RGSL1: variants seen among roughly 807,000 people sequenced by gnomAD.
RGSL1 encodes regulator of G protein signaling like 1.
Under a neutral mutation model 124.7 loss-of-function variants are expected in RGSL1, and 97 were observed. The observed-to-expected ratio is 0.78, with a 90% CI of 0.66 to 0.92. The LOEUF is 0.92. Among genes scored for constraint, RGSL1 ranks in the 40% least tolerant of loss-of-function variants. RGSL1 has a pLI of 0.00. For missense variants in RGSL1, 1,233 were observed against 1,288.4 expected, an observed-to-expected ratio of 0.96 and a Z score of 0.66; for synonymous variants, 424 against 438.1, an observed-to-expected ratio of 0.97 and a Z score of 0.40.
intron 9 of RGSL1, among the ~76,000 whole-genome samples, chr1:182,513,116 T>C (rs947641283): frequency 3.9e-5 from 6 of 152,248 alleles, no homozygotes; most frequent in African/African-American, 1.4e-4. Context: ...GCCAGGGAAC[T>C]GCCCTCGCCT....
At chr1:182,497,513 C>CAATT (rs1656024484) in intron 9 of RGSL1, among the ~76,000 whole-genome samples, 1 of 151,814 alleles carries the variant, frequency 6.6e-6, no homozygotes, top group South Asian at 2.1e-4. Flanking sequence ...AACCACTTGA[C>CAATT]AGTAGCTGTC....
intron 4 of RGSL1, among the ~76,000 whole-genome samples, chr1:182,469,540 CTT>C (rs750159474): frequency 6.6e-6 from 1 of 152,112 alleles, no homozygotes; most frequent in Non-Finnish European, 1.5e-5. Context: ...AATTGGAACT[CTT>C]TTGCATTTGT....
chr1:182,460,184 G>A lies in RGSL1; in HGVS notation c.301+51G>A, dbSNP rs867052951. Reference sequence around the variant, plus strand: ...TCTGTGTGTGTGTGTGTGTGTGTGTGTAGAAATATAGGAAGTCACACTTCA... The same window carrying A: ...TCTGTGTGTGTGTGTGTGTGTGTGTATAGAAATATAGGAAGTCACACTTCA... On this transcript the variant is annotated intron_variant, in intron 4 of 21. Transcript: ENST00000294854. 1.7e-4 allele frequency: 205 copies of A among 1,238,694 alleles called. 2 individuals carry two copies. In the African/African-American group the frequency reaches 3.1e-3, roughly 19 times the overall value. The allele number at this position is 1,238,694 out of a possible 1,614,324, so 76.7% of individuals were successfully genotyped here.
At chr1:182,457,586 G>T (rs900863266) in intron 2 of RGSL1, among the ~76,000 whole-genome samples, 1 of 152,210 alleles carries the variant, frequency 6.6e-6, no homozygotes, top group African/African-American at 2.4e-5. Context: ...TCATCTAGGG[G>T]AGATGGTCAG....
At chr1:182,521,730 A>C (rs916101019) in intron 9 of RGSL1, among the ~76,000 whole-genome samples, 1 of 152,222 alleles carries the variant, frequency 6.6e-6, no homozygotes, top group African/African-American at 2.4e-5. Context: ...TAACTAATGT[A>C]ACGAGGAGAG....
At chr1:182,483,481 A>G (rs1654864574) in intron 6 of RGSL1, among the ~76,000 whole-genome samples, 1 of 152,176 alleles carries the variant, frequency 6.6e-6, no homozygotes, top group Non-Finnish European at 1.5e-5. Flanking sequence ...GTGTATATAT[A>G]AAATAAATGT....
At chr1:182,500,202 A>T (rs1656245296) in intron 9 of RGSL1, among the ~76,000 whole-genome samples, 1 of 152,212 alleles carries the variant, frequency 6.6e-6, no homozygotes, top group East Asian at 1.9e-4. Context: ...GGTGTGAGGA[A>T]AGAGTTTAAC....
chr1:182,509,686 T>G (rs1168700597), intron 9 of RGSL1, among the ~76,000 whole-genome samples: 36 of 129,426 alleles, frequency 2.8e-4, no homozygotes, highest in Middle Eastern at 4.5e-3. Context: ...CCCACCTCCC[T>G]CCCGGACGGC....
intron 9 of RGSL1, among the ~76,000 whole-genome samples, chr1:182,509,711 G>A (rs1196044283): frequency 1.4e-4 from 19 of 135,078 alleles, no homozygotes; most frequent in African/African-American, 4.6e-4. Context: ...CTGGCCGGGC[G>A]GGGGGCTGAC....
chr1:182,529,215 C>T (rs1238291088), intron 11 of RGSL1, among the ~76,000 whole-genome samples: 1 of 151,714 alleles, frequency 6.6e-6, no homozygotes, highest in Non-Finnish European at 1.5e-5. Context: ...TTATTTAATC[C>T]CTGTAATATA....
At chr1:182,471,936 A>C (rs895396463) in intron 4 of RGSL1, among the ~76,000 whole-genome samples, 1 of 152,180 alleles carries the variant, frequency 6.6e-6, no homozygotes, top group Admixed American at 6.5e-5. Flanking sequence ...GATGGACTAC[A>C]TCTTTCACTT....
chr1:182,523,966 A>G (rs896780330), intron 10 of RGSL1, among the ~76,000 whole-genome samples: 1 of 152,224 alleles, frequency 6.6e-6, no homozygotes, highest in Admixed American at 6.5e-5. Flanking sequence ...TTACAAAGAA[A>G]TTAGAGTATT....
intron 9 of RGSL1, among the ~76,000 whole-genome samples, chr1:182,506,462 G>A (rs900315331): frequency 1.3e-5 from 2 of 151,906 alleles, no homozygotes; most frequent in Non-Finnish European, 2.9e-5. Flanking sequence ...AGCAAATATG[G>A]AATTATAGAT....
intron 9 of RGSL1, among the ~76,000 whole-genome samples, chr1:182,521,306 A>G (rs1658318928): frequency 6.6e-6 from 1 of 152,202 alleles, no homozygotes; most frequent in African/African-American, 2.4e-5. Flanking sequence ...CCCAGCCTCA[A>G]GTGATCCTCC....
intron 9 of RGSL1, among the ~76,000 whole-genome samples, chr1:182,521,637 T>C (rs190801005): frequency 4.7e-4 from 71 of 152,290 alleles, no homozygotes; most frequent in Admixed American, 2.0e-3. Context: ...GATAGGACAA[T>C]AGCAGTGTCA....
chr1:182,509,432 G>A (rs1463620660), intron 9 of RGSL1, among the ~76,000 whole-genome samples: 6 of 29,678 alleles, frequency 2.0e-4, no homozygotes, highest in Non-Finnish European at 4.1e-4. Context: ...GCGGCTGGCC[G>A]GGCAGAGGGC....
intron 9 of RGSL1, among the ~76,000 whole-genome samples, chr1:182,494,170 G>C (rs1655739186): frequency 6.6e-6 from 1 of 152,114 alleles, no homozygotes; most frequent in Non-Finnish European, 1.5e-5. Flanking sequence ...TACAAATTGG[G>C]CCAGGGAATA....
intron 9 of RGSL1, 102 bp from the exon 10 acceptor site, chr1:182,521,902 A>AT (rs1278635200): frequency 3.8e-6 from 3 of 780,242 alleles, no homozygotes; most frequent in African/African-American, 1.8e-5. Context: ...GGGGACAGGG[A>AT]TTTTTTCACA....
chr1:182,501,750 G>A lies in RGSL1; in HGVS notation c.1825+8621G>A, dbSNP rs953917516. Reference sequence around the variant, plus strand: ...GTTGTCTTTGTCTGATTTATTATTAGGATCATGCTGACCTCAGAATGAGTT... The same window carrying A: ...GTTGTCTTTGTCTGATTTATTATTAAGATCATGCTGACCTCAGAATGAGTT... On this transcript the variant is annotated intron_variant, in intron 9 of 21. Transcript: ENST00000294854. Among the ~76,000 whole-genome samples the A allele has an allele frequency of 3.9e-5, 6 of 152,154 alleles. 1 individual carries two copies. The highest frequency in any genetic ancestry group is 1.4e-4 in the African/African-American group (6 of 41,504).
Sources: allele counts gnomAD v4.1 joint callset (sites outside exome capture counted in the v4.1 genomes callset), GRCh38; gene constraint gnomAD v4.1.1; transcripts MANE v1.5; gene names NCBI Gene and HGNC (gene_info 2026-07-23, HGNC 2026-07-21).